APP: variants seen among roughly 807,000 people sequenced by gnomAD.
The protein encoded by APP is amyloid beta precursor protein.
In APP, 31 loss-of-function variants were observed where a neutral mutation model predicts 101.4. The ratio of observed to expected loss-of-function variants is 0.31; its 90% CI spans 0.23 to 0.41. The LOEUF (loss-of-function observed/expected upper bound fraction) is 0.41, where lower values mean the gene tolerates loss of function less well. Among genes scored for constraint, APP ranks in the 10% least tolerant of loss-of-function variants. The pLI is 1.00. For missense variants in APP, 839 were observed against 1,003.7 expected (o/e 0.84, Z 2.22); for synonymous variants, 366 against 364.4 (o/e 1.00, Z -0.05).
intron 2 of APP, among the ~76,000 whole-genome samples, chr21:26,090,790 T>C (rs2061807278): frequency 1.3e-5 from 2 of 152,192 alleles, no homozygotes; most frequent in African/African-American, 4.8e-5. Context: ...ATAGAAAGCT[T>C]TCTATATAAA....
intron 2 of APP, among the ~76,000 whole-genome samples, chr21:26,110,659 A>C (rs1441908208): frequency 6.6e-6 from 1 of 152,074 alleles, no homozygotes; most frequent in East Asian, 1.9e-4. Context: ...TATCAAAACA[A>C]ATTAAACCTT....
intron 13 of APP, among the ~76,000 whole-genome samples, chr21:25,927,467 T>C (rs1312804033): frequency 6.6e-6 from 1 of 152,206 alleles, no homozygotes; most frequent in Non-Finnish European, 1.5e-5. Context: ...ATACACATAT[T>C]ATCACAAAGT....
chr21:26,102,984 G>A lies in APP; in HGVS notation c.225+8995C>T, dbSNP rs530965484. On this transcript the variant is annotated intron_variant, in intron 2 of 17. Transcript: ENST00000346798. Reference sequence around the variant, plus strand: ...CTATGAGAGATACTTTTTGCTTCTAGTATAAATAACAGAGGAAAAGCACTG... The same window carrying A: ...CTATGAGAGATACTTTTTGCTTCTAATATAAATAACAGAGGAAAAGCACTG... 1.8e-3 allele frequency among the ~76,000 whole-genome samples: 274 copies of A among 148,662 alleles called. 4 individuals are homozygous for A. The highest frequency in any genetic ancestry group is 3.4e-3 in the Non-Finnish European group (227 of 67,140).
chr21:26,085,491 G>A (rs1038201212), intron 3 of APP, among the ~76,000 whole-genome samples: 21 of 152,140 alleles, frequency 1.4e-4, no homozygotes, highest in Non-Finnish European at 2.4e-4. Flanking sequence ...GAGGCGCCAT[G>A]GGCACCAATT....
chr21:26,122,699 G>A (rs901186188), intron 1 of APP, among the ~76,000 whole-genome samples: 1 of 149,448 alleles, frequency 6.7e-6, no homozygotes, highest in African/African-American at 2.5e-5. Context: ...CAAGTAACAC[G>A]TATGAAGAAG....
In APP at chr21:26,072,665, C is replaced by A. The variant is rs562306866; in HGVS notation, c.355+17278G>T. 1.1e-3 allele frequency among the ~76,000 whole-genome samples: 174 copies of A among 152,000 alleles called. 2 individuals are homozygous for A. The highest frequency in any genetic ancestry group is 3.4e-3 in the Middle Eastern group (1 of 294). On this transcript the variant is annotated intron_variant, in intron 3 of 17. Transcript: ENST00000346798. ...AAAGCAAAAGCAAAAAAAAAGAAAG[C>A]AAAAACAACAAAAATAGTTGATTCT...
chr21:26,007,175 T>C (rs780666990), intron 6 of APP, among the ~76,000 whole-genome samples: 1 of 151,728 alleles, frequency 6.6e-6, no homozygotes, highest in Non-Finnish European at 1.5e-5. Context: ...AAATTCCCTA[T>C]CTTGAACTCT....
chr21:25,984,958 T>C (rs1330472724), intron 8 of APP, among the ~76,000 whole-genome samples: 1 of 152,182 alleles, frequency 6.6e-6, no homozygotes, highest in Non-Finnish European at 1.5e-5. Context: ...ACTGGAATCA[T>C]AAAACTTACT....
intron 1 of APP, among the ~76,000 whole-genome samples, chr21:26,115,833 T>C (rs2062423269): frequency 6.6e-6 from 1 of 152,222 alleles, no homozygotes; most frequent in African/African-American, 2.4e-5. Context: ...TTTTTAAACA[T>C]TTTTATTTTC....
At chr21:26,046,072 C>T (rs931226526) in intron 5 of APP, among the ~76,000 whole-genome samples, 1 of 151,994 alleles carries the variant, frequency 6.6e-6, no homozygotes, top group African/African-American at 2.4e-5. Flanking sequence ...TTCACAGGAA[C>T]AGCATGGGAA....
rs563158604 is a variant in APP at position 26,072,551 on chromosome 21, A to G, written c.355+17392T>C. ...TAATTATATATCTTCACATCTTTAA[A>G]TTGTTAAAAATGAATGCATAAATAT... On this transcript the variant is annotated intron_variant, in intron 3 of 17. Transcript: ENST00000346798. 1.6e-4 allele frequency among the ~76,000 whole-genome samples: 24 copies of G among 152,326 alleles called. 1 individual carries two copies. The South Asian group carries it at 3.9e-3, about 25-fold the overall frequency.
intron 8 of APP, among the ~76,000 whole-genome samples, chr21:25,994,698 T>G (rs376555592): frequency 2.0e-5 from 3 of 152,226 alleles, no homozygotes; most frequent in African/African-American, 2.4e-5. Context: ...TCTAGATTGT[T>G]GAAGGAGCAA....
rs910059307 is a variant in APP, at chr21:26,122,826, A to T, written c.58-10680T>A. ...AAAGGTCATTAACGCAAGTCATATTAGAAGAGATCACAGGCAAGTAGACAA... is the reference window on the plus strand; with the variant it reads ...AAAGGTCATTAACGCAAGTCATATTTGAAGAGATCACAGGCAAGTAGACAA... On this transcript the variant is annotated intron_variant, in intron 1 of 17. Transcript: ENST00000346798. Among the ~76,000 whole-genome samples the T allele has an allele frequency of 6.0e-5, 9 of 149,184 alleles. No homozygotes were observed. The South Asian group carries it at 6.3e-4, about 10-fold the overall frequency.
At chr21:25,944,205 A>C (rs1041894793) in intron 13 of APP, among the ~76,000 whole-genome samples, 1 of 152,256 alleles carries the variant, frequency 6.6e-6, no homozygotes, top group African/African-American at 2.4e-5. Context: ...TAAACGCACT[A>C]TCTGAAGTCA....
Position 25,971,564 on chromosome 21 carries a change from T to C in APP, c.1458+3506A>G, listed in dbSNP as rs541629620. Among the ~76,000 whole-genome samples, 36 of 152,252 alleles carry C rather than the reference T, an allele frequency of 2.4e-4. No individual in the cohort carries two copies. The East Asian group carries it at 6.9e-3, about 29-fold the overall frequency. The stretch of plus-strand genomic sequence containing the variant: ...TAGTTGTAATTCACAGGACAGGGTA[T>C]TGGTGAGGAGAGAGTTGCTCCAAAA... On this transcript the variant is annotated intron_variant, in intron 11 of 17. Transcript: ENST00000346798.
chr21:26,084,268 T>C (rs986794307), intron 3 of APP, among the ~76,000 whole-genome samples: 4 of 131,076 alleles, frequency 3.1e-5, no homozygotes, highest in African/African-American at 1.2e-4. Flanking sequence ...AGACTGAGTC[T>C]CGCTCTGTCC....
intron 6 of APP, among the ~76,000 whole-genome samples, chr21:26,015,821 TA>T (rs2044030919): frequency 2.6e-5 from 4 of 152,176 alleles, no homozygotes; most frequent in African/African-American, 9.7e-5. Flanking sequence ...GGCCAGATAG[TA>T]AATGTTTTCA....
intron 17 of APP, among the ~76,000 whole-genome samples, chr21:25,886,217 T>A (rs1313955190): frequency 6.6e-6 from 1 of 152,144 alleles, no homozygotes; most frequent in Non-Finnish European, 1.5e-5. Context: ...TTCAAGCTAG[T>A]GACTTATCCC....
intron 3 of APP, among the ~76,000 whole-genome samples, chr21:26,079,202 A>G (rs1270270453): frequency 1.3e-5 from 2 of 152,166 alleles, no homozygotes; most frequent in African/African-American, 4.8e-5. Flanking sequence ...TGCTTGAGAA[A>G]GATGCTCAGA....
Sources: gnomAD v4.1 joint callset for allele counts (sites outside exome capture counted in the v4.1 genomes callset) on GRCh38, gnomAD v4.1.1 for gene constraint, MANE v1.5 for transcripts, NCBI Gene and HGNC (gene_info 2026-07-23, HGNC 2026-07-21) for gene names.